THRB: variants seen among roughly 807,000 people sequenced by gnomAD.
The protein encoded by THRB is nuclear receptor subfamily 1 group A member 2.
THRB carries 12 observed loss-of-function variants against 47.8 expected under a neutral mutation model. The ratio of observed to expected loss-of-function variants is 0.25; its 90% CI spans 0.16 to 0.41. The LOEUF (loss-of-function observed/expected upper bound fraction) is 0.41, where lower values mean the gene tolerates loss of function less well. Ranked by LOEUF, THRB falls within the 10% of genes least tolerant of loss-of-function variation. The pLI is 1.00. For missense variants in THRB, 348 were observed against 589.2 expected, an observed-to-expected ratio of 0.59 and a Z score of 4.24; for synonymous variants, 218 against 212.2, an observed-to-expected ratio of 1.03 and a Z score of -0.24.
intron 2 of THRB, among the ~76,000 whole-genome samples, chr3:24,304,901 A>C: frequency 6.6e-6 from 1 of 152,220 alleles, no homozygotes; most frequent in East Asian, 1.9e-4. Context: ...GAAACCTAGA[A>C]AAAATGGATG....
chr3:24,332,660 TAC>T (rs1559951817), intron 2 of THRB, among the ~76,000 whole-genome samples: 1 of 152,168 alleles, frequency 6.6e-6, no homozygotes, highest in African/African-American at 2.4e-5. Flanking sequence ...AAAAATAATA[TAC>T]ACATTGGGGT....
At chr3:24,304,884 T>G (rs530479996) in intron 2 of THRB, among the ~76,000 whole-genome samples, 1 of 152,124 alleles carries the variant, frequency 6.6e-6, no homozygotes, top group Non-Finnish European at 1.5e-5. Context: ...CCCATTGTAA[T>G]AGATGTGAAA....
intron 2 of THRB, among the ~76,000 whole-genome samples, chr3:24,303,320 T>A (rs1270253638): frequency 2.0e-5 from 3 of 152,162 alleles, no homozygotes; most frequent in Non-Finnish European, 4.4e-5. Flanking sequence ...CAAAGGGTGG[T>A]CAGCAAACAT....
intron 5 of THRB, among the ~76,000 whole-genome samples, chr3:24,167,941 TTCTCTC>T (rs993474855): frequency 6.6e-6 from 1 of 152,096 alleles, no homozygotes; most frequent in African/African-American, 2.4e-5. Context: ...CTGAAAAACT[TTCTCTC>T]TCTTTTTACT....
chr3:24,457,458 A>C (rs537601189), intron 1 of THRB, among the ~76,000 whole-genome samples: 1 of 152,352 alleles, frequency 6.6e-6, no homozygotes, highest in Non-Finnish European at 1.5e-5. Flanking sequence ...CTCTGACCTC[A>C]GAATCTAATG....
At position 24,121,960 on chromosome 3, in the gene THRB, G is replaced by T. The variant is rs761255418; in HGVS notation, c.*924C>A. On this transcript the variant is annotated 3_prime_UTR_variant, in exon 11 of 11. Coordinates refer to ENST00000646209, the MANE Select transcript of THRB (RefSeq NM_001354712.2). The stretch of plus-strand genomic sequence containing the variant: ...TATTTGATCCATAGAGAAATCTGTT[G>T]TCAGCTCAGCAAAGATACAACCTGG... 7.9e-5 allele frequency: 12 copies of T among 152,638 alleles called. No individual in the cohort carries two copies. Among genetic ancestry groups the T allele is most frequent in the Non-Finnish European group, 1.6e-4 (11 of 68,050 alleles). The allele number at this position is 152,638 out of a possible 1,614,324, so 9.5% of individuals were successfully genotyped here. A position where few individuals can be genotyped will look rare whatever the true frequency, so the allele number is the denominator to read the frequency against.
rs570422833 is a variant in THRB, at chr3:24,281,240, C to T, written c.-43+15986G>A. Among the ~76,000 whole-genome samples, 207 of 152,132 alleles carry T rather than the reference C, an allele frequency of 1.4e-3. 1 individual carries two copies. Among genetic ancestry groups the T allele is most frequent in the Middle Eastern group, 6.8e-3 (2 of 294 alleles). On this transcript the variant is annotated intron_variant, in intron 3 of 10. Transcript: ENST00000646209. ...CCCATCAGACTAACAGCAGATCTCT[C>T]GGCAGAAACTCTACAAGCCAGAAGA...
chr3:24,302,834 G>C (rs752127170), intron 2 of THRB, among the ~76,000 whole-genome samples: 1 of 152,080 alleles, frequency 6.6e-6, no homozygotes, highest in African/African-American at 2.4e-5. Flanking sequence ...TTTTGTTCAC[G>C]ACTGTACTAG....
chr3:24,292,940 A>C (rs1213619995), intron 3 of THRB, among the ~76,000 whole-genome samples: 1 of 152,190 alleles, frequency 6.6e-6, no homozygotes, highest in African/African-American at 2.4e-5. Flanking sequence ...AAAGTTAAAA[A>C]AGTTTAATTT....
intron 2 of THRB, among the ~76,000 whole-genome samples, chr3:24,300,847 T>C (rs2056888627): frequency 6.6e-6 from 1 of 152,212 alleles, no homozygotes; most frequent in Admixed American, 6.5e-5. Flanking sequence ...CTCATTGTAG[T>C]GACTGAATGG....
intron 3 of THRB, among the ~76,000 whole-genome samples, chr3:24,233,556 A>T (rs1031431114): frequency 9.3e-5 from 3 of 32,206 alleles, no homozygotes; most frequent in African/African-American, 2.7e-4. Context: ...AAAGAAAGAA[A>T]AAGGAAGAAA....
chr3:24,396,709 G>A (rs1159961653), intron 1 of THRB, among the ~76,000 whole-genome samples: 1 of 152,106 alleles, frequency 6.6e-6, no homozygotes, highest in Non-Finnish European at 1.5e-5. Context: ...TCTTTGTAAA[G>A]CAGTGTTCAA....
At chr3:24,127,391 A>T in intron 10 of THRB, 108 bp downstream of exon 10, 1 of 1,188,054 alleles carries the variant, frequency 8.4e-7, no homozygotes. Context: ...AAGAAGAGTG[A>T]GCTATGTTTC....
chr3:24,123,199 C>T (rs2032020813), intron 10 of THRB, 74 bp from the exon 11 acceptor site: 2 of 1,604,540 alleles, frequency 1.2e-6, no homozygotes, highest in African/African-American at 1.3e-5. Flanking sequence ...AATTCCAGGC[C>T]TTTATTGGGG....
chr3:24,312,264 G>A (rs1203137939), intron 2 of THRB, among the ~76,000 whole-genome samples: 1 of 152,190 alleles, frequency 6.6e-6, no homozygotes, highest in African/African-American at 2.4e-5. Flanking sequence ...TATCTTCTGT[G>A]GTAATTGTCT....
chr3:24,140,320 T>C (rs1035853026), intron 8 of THRB, among the ~76,000 whole-genome samples: 14 of 152,360 alleles, frequency 9.2e-5, no homozygotes, highest in African/African-American at 3.4e-4. Flanking sequence ...CCCCAAACTT[T>C]GTGGTTTAAA....
intron 4 of THRB, among the ~76,000 whole-genome samples, chr3:24,228,131 A>G (rs1243664341): frequency 6.6e-6 from 1 of 152,136 alleles, no homozygotes; most frequent in Non-Finnish European, 1.5e-5. Flanking sequence ...TTTAGAGAGA[A>G]CCAGAGTTCT....
chr3:24,434,649 G>A (rs148551239), intron 1 of THRB, among the ~76,000 whole-genome samples: 1 of 152,324 alleles, frequency 6.6e-6, no homozygotes, highest in African/African-American at 2.4e-5. Flanking sequence ...TTGACATACA[G>A]AGAAAGTGCT....
At chr3:24,331,764 A>G (rs1480797223) in intron 2 of THRB, among the ~76,000 whole-genome samples, 3 of 151,950 alleles carry the variant, frequency 2.0e-5, no homozygotes, top group Admixed American at 2.0e-4. Context: ...TCCTTGGTCA[A>G]TTTACTCTAC....
Sources: allele counts gnomAD v4.1 joint callset (sites outside exome capture counted in the v4.1 genomes callset), GRCh38; gene constraint gnomAD v4.1.1; transcripts MANE v1.5; gene names NCBI Gene and HGNC (gene_info 2026-07-23, HGNC 2026-07-21).